Variants in CDKL2 observed in about 807,000 individuals in gnomAD.
CDKL2 encodes cyclin-dependent kinase-like 2.
In CDKL2, 64 loss-of-function variants were observed where a neutral mutation model predicts 63.9. The observed-to-expected ratio is 1.00, with a 90% confidence interval of 0.82 to 1.23. CDKL2 has a LOEUF of 1.23. Among genes scored for constraint, CDKL2 ranks in the 50% most tolerant of loss-of-function variants. CDKL2 has a pLI of 0.00. For missense variants in CDKL2, 656 were observed against 668.0 expected, an observed-to-expected ratio of 0.98 and a Z score of 0.20; for synonymous variants, 211 against 229.2, an observed-to-expected ratio of 0.92 and a Z score of 0.72.
rs1728051946 is a variant in CDKL2 at position 75,577,004 on chromosome 4, A to G, written c.*2198T>C. ...GCCATCCCTACATCCAAAGTTTTCC[A>G]GAAGAATTAACAGATTTAAAACTTA... is the stretch of plus-strand genomic sequence containing the variant. On this transcript the variant is annotated 3_prime_UTR_variant, in exon 14 of 14. Coordinates refer to ENST00000307465, the MANE Select transcript of CDKL2 (RefSeq NM_001330724.2). Among the ~76,000 whole-genome samples, 1 of 152,198 alleles carries G rather than the reference A, an allele frequency of 6.6e-6. No individual in the cohort carries two copies. The highest frequency in any genetic ancestry group is 2.1e-4 in the South Asian group (1 of 4,834).
At chr4:75,605,052 A>C (rs1729363815) in intron 5 of CDKL2, among the ~76,000 whole-genome samples, 1 of 152,148 alleles carries the variant, frequency 6.6e-6, no homozygotes, top group Admixed American at 6.5e-5. Flanking sequence ...GAAGGAAAAA[A>C]TAAATTAAAA....
At chr4:75,621,392 A>G (rs1017836862) in intron 2 of CDKL2, among the ~76,000 whole-genome samples, 3 of 152,246 alleles carry the variant, frequency 2.0e-5, no homozygotes, top group Admixed American at 6.5e-5. Context: ...ATGGTTATTA[A>G]GGAACACAGT....
chr4:75,618,197 T>C (rs988706017), intron 2 of CDKL2, among the ~76,000 whole-genome samples: 13 of 145,840 alleles, frequency 8.9e-5, no homozygotes, highest in South Asian at 6.5e-4. Context: ...TCTTTGGTAA[T>C]GGCAGACTGA....
chr4:75,626,786 G>C (rs62321009), intron 1 of CDKL2, among the ~76,000 whole-genome samples: 37,677 of 152,024 alleles, frequency 0.25, 4,973 homozygotes, highest in Middle Eastern at 0.36. Flanking sequence ...AGCTACTTGG[G>C]AGGCTGAGGC....
rs187991158 is a variant in CDKL2, at chr4:75,606,373, C to T, written c.543-739G>A. 1.5e-3 allele frequency among the ~76,000 whole-genome samples: 229 copies of T among 152,248 alleles called. 1 individual carries two copies. The highest frequency in any genetic ancestry group is 5.4e-3 in the African/African-American group (224 of 41,536). ...GGGATTACAGGTGCATGCCACCATGCCTGGCTAATTTTTGTATTTTTAGTA... is the reference window on the plus strand; with the variant it reads ...GGGATTACAGGTGCATGCCACCATGTCTGGCTAATTTTTGTATTTTTAGTA... On this transcript the variant is annotated intron_variant, in intron 4 of 13. Transcript: ENST00000307465.
intron 11 of CDKL2, 47 bp downstream of exon 11, chr4:75,592,099 T>A (rs573512420): frequency 2.0e-6 from 3 of 1,478,642 alleles, no homozygotes; most frequent in Non-Finnish European, 2.7e-6. Context: ...ACATACATTT[T>A]AAATAATCTA....
intron 12 of CDKL2, among the ~76,000 whole-genome samples, chr4:75,590,990 G>C (rs937548997): frequency 3.9e-5 from 6 of 152,038 alleles, no homozygotes; most frequent in Non-Finnish European, 8.8e-5. Context: ...TGAGTGATAT[G>C]GCTGTTGATA....
At chr4:75,620,253 G>A (rs1394972419) in intron 2 of CDKL2, among the ~76,000 whole-genome samples, 3 of 152,166 alleles carry the variant, frequency 2.0e-5, no homozygotes, top group Admixed American at 6.5e-5. Flanking sequence ...CAAAATTGAA[G>A]ATAAGCAGGC....
intron 12 of CDKL2, among the ~76,000 whole-genome samples, chr4:75,585,811 G>T (rs1728454721): frequency 6.6e-6 from 1 of 151,576 alleles, no homozygotes; most frequent in Non-Finnish European, 1.5e-5. Flanking sequence ...AGAGAAATAG[G>T]CAATTCTACA....
chr4:75,623,320 A>G (rs907589622), intron 2 of CDKL2, among the ~76,000 whole-genome samples: 5 of 152,184 alleles, frequency 3.3e-5, no homozygotes, highest in African/African-American at 1.2e-4. Flanking sequence ...ATTGTGGGCT[A>G]CTGGCGCAAG....
At chr4:75,592,361 A>G (rs1179067761) in intron 10 of CDKL2, 92 bp from the exon 11 acceptor site, 2 of 1,109,148 alleles carry the variant, frequency 1.8e-6, no homozygotes, top group African/African-American at 3.2e-5. Context: ...ATATCCTAAA[A>G]TTTGTGAAAT....
chr4:75,598,105 A>C lies in CDKL2; in HGVS notation c.992T>G (p.Val331Gly). The change falls in exon 8 of 14, where the codon GTT (valine) becomes GGT (glycine). Residue 331 changes from valine to glycine, a missense_variant. By Grantham distance (109) the Val-to-Gly change is moderately radical. Transcript: ENST00000307465. The part of the protein sequence containing the change: ...KKEKEKDDSL[V>G]EERKTLVVQD... ...TACCACAAGTGTTTTTCTTTCTTCA[A>C]CTAAGGAATCATCTTTTTCTTTTTC... 6.5e-7 allele frequency: 1 copy of C among 1,546,702 alleles called. No homozygotes were observed. The highest frequency in any genetic ancestry group is 1.4e-5 in the African/African-American group (1 of 72,668).
intron 9 of CDKL2, 24 bp downstream of exon 9, chr4:75,596,911 T>G (rs760183905): frequency 6.3e-7 from 1 of 1,576,928 alleles, no homozygotes; most frequent in Non-Finnish European, 8.6e-7. Flanking sequence ...AACACTTTTT[T>G]GATCTTATTT....
intron 4 of CDKL2, 91 bp from the exon 5 acceptor site, chr4:75,605,725 A>T: frequency 1.3e-6 from 1 of 746,298 alleles, no homozygotes; most frequent in Non-Finnish European, 2.3e-6. Context: ...GCTCAAAGGA[A>T]ATGCCAACCA....
At chr4:75,627,684 T>C (rs1204889966) in intron 1 of CDKL2, among the ~76,000 whole-genome samples, 1 of 151,734 alleles carries the variant, frequency 6.6e-6, no homozygotes, top group Non-Finnish European at 1.5e-5. Flanking sequence ...ACATAACAAA[T>C]TAACACAGAG....
chr4:75,602,817 C>A (rs564769292), intron 6 of CDKL2, among the ~76,000 whole-genome samples: 81 of 152,248 alleles, frequency 5.3e-4, no homozygotes, highest in African/African-American at 1.9e-3. Flanking sequence ...AGCCACCATG[C>A]CCAGACCCTT....
Position 75,592,141 on chromosome 4 carries a change from C to G in CDKL2, c.1540+5G>C, listed in dbSNP as rs1325226484. ...CTACACAAAGTAAAAGCATTATCAA[C>G]ACACCTATGCCTCCCAGTGCTCTTA... On this transcript the variant is annotated splice_donor_5th_base_variant and intron_variant, in intron 11 of 13. Transcript: ENST00000307465. The G allele has an allele frequency of 6.6e-7, 1 of 1,523,836 alleles. No individual in the cohort carries two copies. Among genetic ancestry groups the G allele is most frequent in the East Asian group, 2.4e-5 (1 of 40,834 alleles). The allele number at this position is 1,523,836 out of a possible 1,614,324, so 94.4% of individuals were successfully genotyped here.
chr4:75,629,336 T>C (rs930704469), intron 1 of CDKL2, among the ~76,000 whole-genome samples: 2 of 152,254 alleles, frequency 1.3e-5, no homozygotes, highest in Admixed American at 1.3e-4. Flanking sequence ...CTAACATTAA[T>C]GCAAGTTGAC....
intron 2 of CDKL2, among the ~76,000 whole-genome samples, chr4:75,624,515 C>T (rs757324121): frequency 2.0e-4 from 30 of 151,506 alleles, no homozygotes; most frequent in Non-Finnish European, 3.5e-4. Flanking sequence ...CATGCCACTG[C>T]ACTCCAGCCT....
Sources: gnomAD v4.1 joint callset for allele counts (sites outside exome capture counted in the v4.1 genomes callset) on GRCh38, gnomAD v4.1.1 for gene constraint, MANE v1.5 for transcripts, NCBI Gene and HGNC (gene_info 2026-07-23, HGNC 2026-07-21) for gene names.